The following DPYD variants were observed in gnomAD, a reference collection of about 807,000 sequenced individuals.
DPYD encodes the protein dihydropyrimidine dehydrogenase.
Under a neutral mutation model 116.2 loss-of-function variants are expected in DPYD, and 109 were observed. That is an observed-to-expected ratio of 0.94 (90% CI 0.80 to 1.10). The LOEUF is 1.10. Among genes scored for constraint, DPYD ranks in the 50% least tolerant of loss-of-function variants. DPYD has a pLI of 0.00. For synonymous variants in DPYD, 440 were observed against 432.0 expected (o/e 1.02, Z -0.23); for missense variants, 1,302 against 1,254.5 (o/e 1.04, Z -0.57).
intron 3 of DPYD, among the ~76,000 whole-genome samples, chr1:97,758,522 T>G (rs1023256106): frequency 6.6e-6 from 1 of 152,178 alleles, no homozygotes; most frequent in South Asian, 2.1e-4. Flanking sequence ...TTAAAAAGAA[T>G]GTGAATAACT....
intron 19 of DPYD, among the ~76,000 whole-genome samples, chr1:97,201,926 A>G: frequency 6.8e-6 from 1 of 148,088 alleles, no homozygotes; most frequent in East Asian, 2.0e-4. Context: ...TTTTTTTCCC[A>G]AAGTGATAAA....
intron 11 of DPYD, among the ~76,000 whole-genome samples, chr1:97,560,727 G>A (rs1315156438): frequency 6.6e-6 from 1 of 152,128 alleles, no homozygotes. Context: ...TAGTGAAAAT[G>A]GTTATGAATA....
intron 3 of DPYD, among the ~76,000 whole-genome samples, chr1:97,796,499 G>A (rs1398823619): frequency 6.6e-6 from 1 of 152,014 alleles, no homozygotes; most frequent in Non-Finnish European, 1.5e-5. Flanking sequence ...TTATGCCCAT[G>A]AGTTACATAT....
At chr1:97,890,549 CA>C (rs1672724045) in intron 1 of DPYD, among the ~76,000 whole-genome samples, 1 of 151,802 alleles carries the variant, frequency 6.6e-6, no homozygotes, top group Admixed American at 6.6e-5. Context: ...ACCTATTTTA[CA>C]AAGCCAGTAT....
chr1:97,658,491 G>A lies in DPYD; in HGVS notation c.850+20604C>T, dbSNP rs865809448. Among the ~76,000 whole-genome samples, 8 of 152,140 alleles carry A rather than the reference G, an allele frequency of 5.3e-5. No homozygotes were observed. The Middle Eastern group carries it at 0.017, about 328-fold the overall frequency. On this transcript the variant is annotated intron_variant, in intron 8 of 22. Coordinates refer to ENST00000370192, the MANE Select transcript of DPYD (RefSeq NM_000110.4). Reference sequence around the variant, plus strand: ...ATAAATTTAAAACATCGTGTAATTCGAACAGCTTCTTACTAGTGGTTTATT... The same window carrying A: ...ATAAATTTAAAACATCGTGTAATTCAAACAGCTTCTTACTAGTGGTTTATT...
chr1:97,369,869 C>A lies in DPYD; in HGVS notation c.2058+3692G>T, dbSNP rs529251747. 2.0e-4 allele frequency among the ~76,000 whole-genome samples: 31 copies of A among 152,272 alleles called. 1 individual carries two copies. Among genetic ancestry groups the A allele is most frequent in the Non-Finnish European group, 4.0e-4 (27 of 68,030 alleles). On this transcript the variant is annotated intron_variant, in intron 16 of 22. Coordinates refer to ENST00000370192, the MANE Select transcript of DPYD (RefSeq NM_000110.4). Reference sequence around the variant, plus strand: ...AGCAACTGCTGCCTAGATTCTCATTCATCAAAGTAAAATATACCAAAAAGC... The same window carrying A: ...AGCAACTGCTGCCTAGATTCTCATTAATCAAAGTAAAATATACCAAAAAGC...
At chr1:97,217,666 G>A (rs1292732886) in intron 19 of DPYD, among the ~76,000 whole-genome samples, 6 of 150,274 alleles carry the variant, frequency 4.0e-5, no homozygotes, top group Admixed American at 1.3e-4. Flanking sequence ...ACTGTCAACC[G>A]CATGGCTAGA....
At chr1:97,639,924 T>C (rs890595393) in intron 8 of DPYD, among the ~76,000 whole-genome samples, 3 of 152,170 alleles carry the variant, frequency 2.0e-5, no homozygotes, top group Non-Finnish European at 4.4e-5. Context: ...GTGACACTGA[T>C]TAACAATCTT....
At chr1:97,587,616 G>T (rs1341218788) in intron 10 of DPYD, among the ~76,000 whole-genome samples, 3 of 151,950 alleles carry the variant, frequency 2.0e-5, no homozygotes, top group Non-Finnish European at 4.4e-5. Context: ...ACAAGGTCAG[G>T]AGATGGGGAC....
chr1:97,823,630 A>T (rs999402939), intron 3 of DPYD, among the ~76,000 whole-genome samples: 1 of 151,868 alleles, frequency 6.6e-6, no homozygotes, highest in Admixed American at 6.6e-5. Flanking sequence ...CTTAACATTA[A>T]CATTTTCTAG....
At chr1:97,821,399 A>G (rs1304753398) in intron 3 of DPYD, among the ~76,000 whole-genome samples, 3 of 151,816 alleles carry the variant, frequency 2.0e-5, no homozygotes, top group Admixed American at 2.0e-4. Flanking sequence ...ACTGTTCAGG[A>G]TTTATCACAG....
At chr1:97,634,274 C>G (rs1291485016) in intron 8 of DPYD, among the ~76,000 whole-genome samples, 1 of 152,018 alleles carries the variant, frequency 6.6e-6, no homozygotes, top group African/African-American at 2.4e-5. Context: ...GTAAAAGATT[C>G]TAATGCTAAG....
chr1:97,574,040 T>C (rs1570984733), intron 10 of DPYD, 70 bp from the exon 11 acceptor site: 2 of 1,578,606 alleles, frequency 1.3e-6, no homozygotes, highest in East Asian at 2.3e-5. Context: ...GATTTCTAAT[T>C]GAATTACACA....
chr1:97,516,057 G>T, intron 12 of DPYD, 116 bp from the exon 13 acceptor site: 1 of 1,065,714 alleles, frequency 9.4e-7, no homozygotes, highest in Non-Finnish European at 1.4e-6. Flanking sequence ...ACAACAGTCT[G>T]TTTACAATGA....
At chr1:97,768,364 C>T (rs891867063) in intron 3 of DPYD, among the ~76,000 whole-genome samples, 1 of 152,076 alleles carries the variant, frequency 6.6e-6, no homozygotes, top group Admixed American at 6.6e-5. Context: ...TGTGCCCTTG[C>T]CAGAGTTTAT....
chr1:97,457,972 G>A (rs1034647584), intron 13 of DPYD, among the ~76,000 whole-genome samples: 5 of 152,146 alleles, frequency 3.3e-5, no homozygotes, highest in African/African-American at 1.2e-4. Context: ...CAGACAGACT[G>A]ATTAAATTAT....
At chr1:97,784,984 A>C (rs1323688682) in intron 3 of DPYD, among the ~76,000 whole-genome samples, 2 of 152,226 alleles carry the variant, frequency 1.3e-5, no homozygotes, top group Non-Finnish European at 2.9e-5. Flanking sequence ...ACAATAAGCT[A>C]TTTGTAAAAT....
intron 4 of DPYD, among the ~76,000 whole-genome samples, chr1:97,735,045 G>A (rs12724889): frequency 6.6e-6 from 1 of 152,108 alleles, no homozygotes; most frequent in Non-Finnish European, 1.5e-5. Flanking sequence ...TTTTTGGTCT[G>A]ATTCACACAA....
At chr1:97,783,538 G>C (rs985995345) in intron 3 of DPYD, among the ~76,000 whole-genome samples, 1 of 151,780 alleles carries the variant, frequency 6.6e-6, no homozygotes, top group South Asian at 2.1e-4. Context: ...GGGATTACAG[G>C]CATCCACCAC....
Sources: allele counts gnomAD v4.1 joint callset (sites outside exome capture counted in the v4.1 genomes callset), GRCh38; gene constraint gnomAD v4.1.1; transcripts MANE v1.5; gene names NCBI Gene and HGNC (gene_info 2026-07-23, HGNC 2026-07-21).